The following PRICKLE2 variants were observed in gnomAD, a reference collection of about 807,000 sequenced individuals.
The protein encoded by PRICKLE2 is prickle planar cell polarity protein 2.
PRICKLE2 carries 21 observed loss-of-function variants against 81.4 expected under a neutral mutation model. That is an observed-to-expected ratio of 0.26 (90% CI 0.18 to 0.37). The LOEUF is 0.37. Among genes scored for constraint, PRICKLE2 ranks in the 10% least tolerant of loss-of-function variants. The pLI, the probability that PRICKLE2 is intolerant of heterozygous loss-of-function variation, is 1.00. For missense variants in PRICKLE2, 940 were observed against 1,109.0 expected (o/e 0.85, Z 2.16); for synonymous variants, 456 against 421.5 (o/e 1.08, Z -1.00).
chr3:64,142,376 T>A (rs1006623521), intron 7 of PRICKLE2, among the ~76,000 whole-genome samples: 4 of 150,646 alleles, frequency 2.7e-5, no homozygotes, highest in African/African-American at 9.8e-5. Flanking sequence ...AGTGGTGTGA[T>A]CCTGGCTCAC....
intron 2 of PRICKLE2, among the ~76,000 whole-genome samples, chr3:64,168,032 G>A (rs1399474615): frequency 6.6e-6 from 1 of 152,184 alleles, no homozygotes; most frequent in East Asian, 1.9e-4. Flanking sequence ...AAGAGAACTT[G>A]TTGGACCTCA....
intron 7 of PRICKLE2, among the ~76,000 whole-genome samples, chr3:64,142,315 T>TTC (rs1376708074): frequency 9.6e-4 from 129 of 134,920 alleles, no homozygotes; most frequent in African/African-American, 2.1e-3. Flanking sequence ...CTTTCTTTCT[T>TTC]TTTTTTTTTT....
At chr3:64,144,856 A>T (rs531930045) in intron 7 of PRICKLE2, among the ~76,000 whole-genome samples, 1 of 152,298 alleles carries the variant, frequency 6.6e-6, no homozygotes, top group South Asian at 2.1e-4. Flanking sequence ...ACGCACTTGG[A>T]TGGCACCGCA....
intron 2 of PRICKLE2, among the ~76,000 whole-genome samples, chr3:64,257,202 G>A (rs1284412705): frequency 3.3e-5 from 5 of 152,204 alleles, no homozygotes; most frequent in African/African-American, 4.8e-5. Flanking sequence ...TTATTTGGCT[G>A]AGTTAAACCA....
In PRICKLE2 at chr3:64,095,611, C is replaced by T. The variant is rs2076561623; in HGVS notation, c.*3440G>A. 6.6e-6 allele frequency: 1 copy of T among 152,126 alleles called. No homozygotes were observed. Among genetic ancestry groups the T allele is most frequent in the South Asian group, 2.1e-4 (1 of 4,826 alleles). 9.4% of individuals were successfully genotyped at this position (152,126 alleles called of 1,614,324 possible). ...CTGAATTGAACAATAGCTAGTAGTA[C>T]CCAAGAAGCAGAAAGCTGCTGCAGA... On this transcript the variant is annotated 3_prime_UTR_variant, in exon 8 of 8. Coordinates refer to ENST00000638394, the MANE Select transcript of PRICKLE2 (RefSeq NM_198859.4).
chr3:64,224,682 G>A (rs192859144), intron 1 of PRICKLE2, among the ~76,000 whole-genome samples: 7 of 152,168 alleles, frequency 4.6e-5, no homozygotes, highest in South Asian at 2.1e-4. Context: ...AGATTTAAGC[G>A]TTTCTTCAGG....
chr3:64,263,341 G>T (rs925347346), intron 2 of PRICKLE2, among the ~76,000 whole-genome samples: 2 of 152,186 alleles, frequency 1.3e-5, no homozygotes, highest in Non-Finnish European at 2.9e-5. Flanking sequence ...AGCTCATGAG[G>T]TTAAGTGGTC....
chr3:64,181,172 T>G (rs1014222307), intron 2 of PRICKLE2, among the ~76,000 whole-genome samples: 3 of 152,210 alleles, frequency 2.0e-5, no homozygotes, highest in African/African-American at 7.2e-5. Flanking sequence ...TTTGTTATAT[T>G]TTACAGATTA....
At chr3:64,138,028 T>C (rs535688179) in intron 7 of PRICKLE2, among the ~76,000 whole-genome samples, 38 of 152,144 alleles carry the variant, frequency 2.5e-4, no homozygotes, top group African/African-American at 8.4e-4. Flanking sequence ...CAGAAAACCA[T>C]AGCTGAAATA....
chr3:64,118,740 T>C (rs1045999220), intron 7 of PRICKLE2, among the ~76,000 whole-genome samples: 2 of 151,960 alleles, frequency 1.3e-5, no homozygotes, highest in Admixed American at 1.3e-4. Context: ...ATATGGATTA[T>C]GGTTGCAGAG....
At chr3:64,243,617 T>C (rs560781705) in intron 2 of PRICKLE2, among the ~76,000 whole-genome samples, 2 of 152,346 alleles carry the variant, frequency 1.3e-5, no homozygotes, top group East Asian at 3.9e-4. Flanking sequence ...AGGCTTTCAG[T>C]GTAAAATGGG....
At chr3:64,128,538 G>A (rs1179669240) in intron 7 of PRICKLE2, among the ~76,000 whole-genome samples, 2 of 152,058 alleles carry the variant, frequency 1.3e-5, no homozygotes, top group Non-Finnish European at 1.5e-5. Flanking sequence ...ACAAGGTCAG[G>A]AGTTCGAGAC....
chr3:64,169,012 C>G (rs973470488), intron 2 of PRICKLE2, among the ~76,000 whole-genome samples: 1 of 152,050 alleles, frequency 6.6e-6, no homozygotes, highest in African/African-American at 2.4e-5. Flanking sequence ...TTAACAATAC[C>G]CTCATTTGAC....
chr3:64,098,909 C>A lies in PRICKLE2; in HGVS notation c.*142G>T. The A allele has an allele frequency of 1.1e-6, 1 of 872,432 alleles. No homozygotes were observed. The highest frequency in any genetic ancestry group is 1.9e-6 in the Non-Finnish European group (1 of 527,596). 54.0% of individuals were successfully genotyped at this position (872,432 alleles called of 1,614,324 possible). A position where few individuals can be genotyped will look rare whatever the true frequency, so the allele number is the denominator to read the frequency against. On this transcript the variant is annotated 3_prime_UTR_variant, in exon 8 of 8. Coordinates refer to ENST00000638394, the MANE Select transcript of PRICKLE2 (RefSeq NM_198859.4). ...GACTACCTATTGAGTCAACCTGTAACCTTGCCTCCATCTACTGACAGCATT... is the reference window on the plus strand; with the variant it reads ...GACTACCTATTGAGTCAACCTGTAAACTTGCCTCCATCTACTGACAGCATT...
Position 64,147,305 on chromosome 3 carries a change from C to T in PRICKLE2, c.1185G>A (p.Arg395=), listed in dbSNP as rs1426180064. The T allele has an allele frequency of 3.1e-6, 5 of 1,613,822 alleles. No homozygotes were observed. Among genetic ancestry groups the T allele is most frequent in the Middle Eastern group, 1.6e-4 (1 of 6,062 alleles). The change falls in exon 7 of 8, where the codon AGG becomes AGA. Residue 395 remains arginine, a synonymous_variant. Transcript: ENST00000638394. This position sits in a 1 kb window ranked among gnomAD's most constrained non-coding sequence, Gnocchi z 5.0. ...CATAATGGTAGGGCTCTTCCCGGCT[C>T]CTCCAGATGGGGTCCCGGTTGAGGC... ...TPSLNRDPIW[R]SREEPYHYGN... is the part of the protein sequence containing the mutation.
chr3:64,174,078 G>A (rs1208989048), intron 2 of PRICKLE2, among the ~76,000 whole-genome samples: 1 of 152,108 alleles, frequency 6.6e-6, no homozygotes, highest in Non-Finnish European at 1.5e-5. Context: ...CCTTTTTTAT[G>A]CTAGTACGTT....
upstream of PRICKLE2, among the ~76,000 whole-genome samples, chr3:64,229,661 G>C (rs1575692609): frequency 4.6e-5 from 7 of 152,262 alleles, no homozygotes; most frequent in South Asian, 1.5e-3. Flanking sequence ...TTCTGGCCCT[G>C]CTATTGGGAA....
At position 64,225,111 on chromosome 3, in the gene PRICKLE2, GCT is replaced by G. The variant is rs1259586206; in HGVS notation, c.-244_-243del. On this transcript the variant is annotated 5_prime_UTR_variant, in exon 1 of 8. It removes the in-frame stop codon of an upstream open reading frame in the 5' UTR. Transcript: ENST00000638394. Reference sequence around the variant, plus strand: ...GCTGGCAACAGACTCAAGCCGAGCTGCTCCACATTCCCTCAGGGAAAACAGCA... The same window carrying G: ...GCTGGCAACAGACTCAAGCCGAGCTGCCACATTCCCTCAGGGAAAACAGCA... 1 of 985,288 alleles carries G rather than the reference GCT, an allele frequency of 1.0e-6. No individual in the cohort carries two copies. Among genetic ancestry groups the G allele is most frequent in the Non-Finnish European group, 1.2e-6 (1 of 830,006 alleles). The allele number at this position is 985,288 out of a possible 1,614,324, so 61.0% of individuals were successfully genotyped here. A position where few individuals can be genotyped will look rare whatever the true frequency, so the allele number is the denominator to read the frequency against.
chr3:64,202,585 T>A (rs1415315111), intron 1 of PRICKLE2, among the ~76,000 whole-genome samples: 2 of 152,106 alleles, frequency 1.3e-5, no homozygotes, highest in Admixed American at 1.3e-4. Flanking sequence ...TATATTGATG[T>A]TAAATCATAC....
Sources: gnomAD v4.1 joint callset for allele counts (sites outside exome capture counted in the v4.1 genomes callset) on GRCh38, gnomAD v4.1.1 for gene constraint, Gnocchi (gnomAD v3.1) non-coding constraint, MANE v1.5 for transcripts, NCBI Gene and HGNC (gene_info 2026-07-23, HGNC 2026-07-21) for gene names.